Variants in BRCA1 observed in about 807,000 individuals in gnomAD.
The protein encoded by BRCA1 is breast cancer type 1 susceptibility protein.
A neutral mutation model predicts 173.7 loss-of-function variants in BRCA1; 140 were observed. That is an observed-to-expected ratio of 0.81 (90% CI 0.70 to 0.93). BRCA1 has a LOEUF of 0.93. Ranked by LOEUF, BRCA1 falls within the 40% of genes least tolerant of loss-of-function variation. BRCA1 has a pLI of 0.00. For synonymous variants in BRCA1, 662 were observed against 756.0 expected (o/e 0.88, Z 2.04); for missense variants, 1,983 against 2,172.5 (o/e 0.91, Z 1.73).
chr17:43,123,012 G>A (rs558788751), intron 2 of BRCA1, among the ~76,000 whole-genome samples: 25 of 151,638 alleles, frequency 1.6e-4, no homozygotes, highest in African/African-American at 5.8e-4. Context: ...AGCTGAGATC[G>A]CGCCACTGCA....
intron 19 of BRCA1, among the ~76,000 whole-genome samples, chr17:43,056,212 C>T (rs571420294): frequency 3.4e-5 from 5 of 146,612 alleles, no homozygotes; most frequent in Admixed American, 1.4e-4. Context: ...TTCTGTCTGT[C>T]GTCTAGGCTG....
intron 3 of BRCA1, among the ~76,000 whole-genome samples, chr17:43,109,006 AAACAAAACAAAAAAACCCC>A (rs1292778459): frequency 6.6e-6 from 1 of 151,860 alleles, no homozygotes; most frequent in Non-Finnish European, 1.5e-5. Flanking sequence ...AAACAAAACA[AAACAAAACAAAAAAACCCC>A]AACTATATCT....
intron 16 of BRCA1, among the ~76,000 whole-genome samples, chr17:43,066,187 T>C (rs8176241): frequency 4.6e-5 from 7 of 152,326 alleles, no homozygotes; most frequent in Admixed American, 3.3e-4. Flanking sequence ...ATTTAGTTTA[T>C]AGTCAACTAA....
At chr17:43,148,909 G>C (rs2056141362) in intron 1 of BRCA1, 1 of 166,900 alleles carries the variant, frequency 6.0e-6, no homozygotes, top group South Asian at 2.1e-4. Context: ...TTGAAGACAG[G>C]AATTGTATGC....
chr17:43,100,677 T>TG lies in BRCA1; in HGVS notation c.442-798_442-797insC, dbSNP rs1567807722. 1.8e-3 allele frequency among the ~76,000 whole-genome samples: 27 copies of TG among 14,678 alleles called. 2 individuals carry two copies. The highest frequency in any genetic ancestry group is 0.011 in the African/African-American group (26 of 2,360). The allele number at this position is 14,678 out of a possible 152,430, so 9.6% of individuals were successfully genotyped here. On this transcript the variant is annotated intron_variant, in intron 6 of 22. Coordinates refer to ENST00000357654, the MANE Select transcript of BRCA1 (RefSeq NM_007294.4). ...TATAACATATATATATATATATATA[T>TG]AATATATATATATATATATATATAT... is the stretch of plus-strand genomic sequence containing the variant.
At chr17:43,085,241 C>CATAAAG in intron 11 of BRCA1, among the ~76,000 whole-genome samples, 1 of 151,946 alleles carries the variant, frequency 6.6e-6, no homozygotes, top group Non-Finnish European at 1.5e-5. Flanking sequence ...CCATCCTGGC[C>CATAAAG]ATCACAGTGA....
chr17:43,091,536 C>A lies in BRCA1; in HGVS notation c.3995G>T (p.Gly1332Val), dbSNP rs730881490. ...KQMRHQSESQ[G>V]VGLSDKELVS... ...CAATTCCTTGTCACTCAGACCAACT[C>A]CCTGGCTTTCAGACTGATGCCTCAT... Residue 1332 changes from glycine to valine, a missense_variant, in exon 10 of 23, where the codon GGA (glycine) becomes GTA (valine). By Grantham distance (109) the Gly-to-Val change is moderately radical. Transcript: ENST00000357654. The A allele has an allele frequency of 6.2e-6, 10 of 1,614,060 alleles. No homozygotes were observed. The South Asian group carries it at 7.7e-5, about 12-fold the overall frequency.
At chr17:43,136,133 G>A (rs1009929861) in intron 1 of BRCA1, among the ~76,000 whole-genome samples, 1 of 152,180 alleles carries the variant, frequency 6.6e-6, no homozygotes, top group Non-Finnish European at 1.5e-5. Flanking sequence ...CTCTAACAAA[G>A]ACAATGAGAA....
In BRCA1 at chr17:43,045,723, C is replaced by A. The variant is rs1426388214; in HGVS notation, c.5547G>T (p.Glu1849Asp). ...LDSVALYQCQ[E>D]LDTYLIPQIP... The stretch of plus-strand genomic sequence containing the variant: ...TCTGGGGTATCAGGTAGGTGTCCAG[C>A]TCCTGGCACTGGTAGAGTGCTACAC... Residue 1849 changes from glutamate to aspartate, a missense_variant, in exon 23 of 23, where the codon GAG becomes GAT. Physicochemically the swap from Glu to Asp is conservative, Grantham distance 45. Coordinates refer to ENST00000357654, the MANE Select transcript of BRCA1 (RefSeq NM_007294.4). The A allele has an allele frequency of 6.2e-7, 1 of 1,613,952 alleles. No homozygotes were observed. The highest frequency in any genetic ancestry group is 8.5e-7 in the Non-Finnish European group (1 of 1,179,972).
rs80356978 is a variant in BRCA1, at chr17:43,092,809, C to T, written c.2722G>A (p.Glu908Lys). Residue 908 changes from glutamate to lysine, a missense_variant, in exon 10 of 23, where the codon GAA becomes AAA. Physicochemically the swap from Glu to Lys is moderately conservative, Grantham distance 56. Coordinates refer to ENST00000357654, the MANE Select transcript of BRCA1 (RefSeq NM_007294.4). Reference protein sequence around the residue: ...KVTFECEQKEENQGKNESNIK... With the variant: ...KVTFECEQKEKNQGKNESNIK... The stretch of plus-strand genomic sequence containing the variant: ...TTAGACTCATTCTTTCCTTGATTTT[C>T]TTCCTTTTGTTCACATTCAAAAGTG... The T allele has an allele frequency of 4.3e-6, 7 of 1,613,880 alleles. No homozygotes were observed. The highest frequency in any genetic ancestry group is 5.9e-6 in the Non-Finnish European group (7 of 1,179,898).
rs2154438040 is a variant in BRCA1 at position 43,093,982 on chromosome 17, A to G, written c.1549T>C (p.Phe517Leu). 1 of 1,613,638 alleles carries G rather than the reference A, an allele frequency of 6.2e-7. No individual in the cohort carries two copies. The highest frequency in any genetic ancestry group is 8.5e-7 in the Non-Finnish European group (1 of 1,179,902). ...ACTGCCAAATCTGCTTTCTTGATAA[A>G]ATCCTCAGGATGAAGGCCTGATGTA... ...RPTSGLHPED[F>L]IKKADLAVQK... Residue 517 changes from phenylalanine (F) to leucine (L), a missense_variant, in exon 10 of 23, where the codon TTT (phenylalanine) becomes CTT (leucine). Transcript: ENST00000357654.
chr17:43,093,556 G>C lies in BRCA1; in HGVS notation c.1975C>G (p.Pro659Ala), dbSNP rs587776481. The change falls in exon 10 of 23, where the codon CCA (proline) becomes GCA (alanine). Residue 659 changes from proline (P) to alanine (A), a missense_variant. Physicochemically the swap from Pro to Ala is conservative, Grantham distance 27 (BLOSUM62 -1). Coordinates refer to ENST00000357654, the MANE Select transcript of BRCA1 (RefSeq NM_007294.4). ...EIKKKKYNQM[P>A]VRHSRNLQLM... is the part of the protein sequence containing the mutation. ...TGTAGGTTTCTGCTGTGCCTGACTGGCATTTGGTTGTACTTTTTTTTCTTT... is the reference window on the plus strand; with the variant it reads ...TGTAGGTTTCTGCTGTGCCTGACTGCCATTTGGTTGTACTTTTTTTTCTTT... 1.2e-6 allele frequency: 2 copies of C among 1,613,880 alleles called. No homozygotes were observed. Among genetic ancestry groups the C allele is most frequent in the Non-Finnish European group, 1.7e-6 (2 of 1,179,980 alleles).
intron 15 of BRCA1, among the ~76,000 whole-genome samples, chr17:43,069,829 G>C (rs1213445998): frequency 1.3e-5 from 2 of 152,152 alleles, no homozygotes; most frequent in African/African-American, 4.8e-5. Flanking sequence ...ATTTCAGAAT[G>C]ACTTGGTCAT....
In BRCA1 at chr17:43,071,232, G is replaced by T. The variant is rs56158747; in HGVS notation, c.4682C>A (p.Thr1561Asn). The T allele has an allele frequency of 6.2e-7, 1 of 1,614,078 alleles. No individual in the cohort carries two copies. The highest frequency in any genetic ancestry group is 1.1e-5 in the South Asian group (1 of 91,088). The change falls in exon 15 of 23, where the codon ACC becomes AAC. Residue 1561 changes from threonine (T) to asparagine (N), a missense_variant. Transcript: ENST00000357654. ...GCTGATTCCAGATTCCAGGTAAGGGGTTCCCTCTGAAAGGAATGGGAGAAG... is the reference window on the plus strand; with the variant it reads ...GCTGATTCCAGATTCCAGGTAAGGGTTTCCCTCTGAAAGGAATGGGAGAAG... ...SYLPRQDLEG[T>N]PYLESGISLF... is the part of the protein sequence containing the mutation.
At chr17:43,153,589 A>G (rs2056177271) in intron 1 of BRCA1, 1 of 151,850 alleles carries the variant, frequency 6.6e-6, no homozygotes, top group Non-Finnish European at 1.5e-5. Context: ...AGGTAACTTA[A>G]CTCTTTGTTC....
intron 6 of BRCA1, among the ~76,000 whole-genome samples, chr17:43,102,282 A>G (rs2054511991): frequency 6.6e-6 from 1 of 150,900 alleles, no homozygotes; most frequent in Non-Finnish European, 1.5e-5. Context: ...CATGTGAGCC[A>G]GGATAGTCTT....
At chr17:43,077,165 CG>C (rs2052772344) in intron 12 of BRCA1, among the ~76,000 whole-genome samples, 1 of 151,020 alleles carries the variant, frequency 6.6e-6, no homozygotes, top group South Asian at 2.1e-4. Flanking sequence ...TTTCAATTAC[CG>C]AAAAAAAAGA....
chr17:43,149,751 C>G (rs916448049), intron 1 of BRCA1, among the ~76,000 whole-genome samples: 1 of 152,098 alleles, frequency 6.6e-6, no homozygotes, highest in Non-Finnish European at 1.5e-5. Flanking sequence ...AACCTCAAAT[C>G]CTAGTTTTCT....
chr17:43,147,188 C>CG (rs2056128318), intron 1 of BRCA1, among the ~76,000 whole-genome samples: 1 of 151,726 alleles, frequency 6.6e-6, no homozygotes, highest in Non-Finnish European at 1.5e-5. Flanking sequence ...TTAGTAGCGA[C>CG]GGGGTTTCTT....
Sources: allele counts gnomAD v4.1 joint callset (sites outside exome capture counted in the v4.1 genomes callset), GRCh38; gene constraint gnomAD v4.1.1; transcripts MANE v1.5; gene names NCBI Gene and HGNC (gene_info 2026-07-23, HGNC 2026-07-21).